MTR: variants seen among roughly 807,000 people sequenced by gnomAD.
MTR encodes 5-methyltetrahydrofolate-homocysteine methyltransferase.
MTR carries 84 observed loss-of-function variants against 154.8 expected under a neutral mutation model. The ratio of observed to expected loss-of-function variants is 0.54; its 90% CI spans 0.45 to 0.65. The LOEUF (loss-of-function observed/expected upper bound fraction) is 0.65, where lower values mean the gene tolerates loss of function less well. Ranked by LOEUF, MTR falls within the 30% of genes least tolerant of loss-of-function variation. The pLI, the probability that MTR is intolerant of heterozygous loss-of-function variation, is 0.00. For synonymous variants in MTR, 554 were observed against 553.9 expected (o/e 1.00, Z 0.00); for missense variants, 1,275 against 1,570.2 (o/e 0.81, Z 3.18).
intron 3 of MTR, 77 bp downstream of exon 3, chr1:236,806,310 A>G (rs1558273644): frequency 8.5e-7 from 1 of 1,169,874 alleles, no homozygotes; most frequent in Non-Finnish European, 1.3e-6. Context: ...TGAGTAAAGC[A>G]CTGGAAGCTG....
rs115032936 is a variant in MTR, at chr1:236,867,847, A to G, written c.2405+4293A>G. ...CTGAAGATGGGAATGAATTGCTACA[A>G]TCTCGTAATACAACTTCAACAGATG... is the stretch of plus-strand genomic sequence containing the variant. On this transcript the variant is annotated intron_variant, in intron 22 of 32. Transcript: ENST00000366577. Among the ~76,000 whole-genome samples the G allele has an allele frequency of 5.7e-3, 864 of 152,324 alleles. 11 individuals are homozygous for G. The highest frequency in any genetic ancestry group is 0.02 in the African/African-American group (812 of 41,566).
chr1:236,893,081 G>A (rs1666420022), intron 29 of MTR, among the ~76,000 whole-genome samples: 1 of 152,168 alleles, frequency 6.6e-6, no homozygotes, highest in Non-Finnish European at 1.5e-5. Context: ...AGTAGGCTCT[G>A]ATTGCTGTCT....
At chr1:236,797,072 G>C (rs1660435199) in intron 1 of MTR, among the ~76,000 whole-genome samples, 1 of 151,896 alleles carries the variant, frequency 6.6e-6, no homozygotes, top group Non-Finnish European at 1.5e-5. Context: ...ATCTTGCCTA[G>C]TCCCCTCACC....
chr1:236,795,907 T>A (rs1660354408), intron 1 of MTR, among the ~76,000 whole-genome samples, 170 bp downstream of exon 1: 1 of 152,184 alleles, frequency 6.6e-6, no homozygotes. Context: ...GCTACGTGTT[T>A]TGCTCCACTC....
intron 15 of MTR, among the ~76,000 whole-genome samples, chr1:236,844,201 G>A (rs1056289261): frequency 1.3e-5 from 2 of 152,180 alleles, no homozygotes; most frequent in Non-Finnish European, 2.9e-5. Context: ...AAAAGGGCAT[G>A]TTCAGCTGTT....
chr1:236,852,621 T>C lies in MTR; in HGVS notation c.1796T>C (p.Leu599Pro). 1 of 1,613,478 alleles carries C rather than the reference T, an allele frequency of 6.2e-7. No individual in the cohort carries two copies. The highest frequency in any genetic ancestry group is 8.5e-7 in the Non-Finnish European group (1 of 1,179,418). ...AIREAMHGVF[L>P]YHAIKSGMDM... ...CGAGAAGCAATGCATGGGGTTTTCCTTTACCATGCAATCAAGGTATGGTAG... is the reference window on the plus strand; with the variant it reads ...CGAGAAGCAATGCATGGGGTTTTCCCTTACCATGCAATCAAGGTATGGTAG... Residue 599 changes from leucine (L) to proline (P), a missense_variant, in exon 17 of 33, where the codon CTT becomes CCT. Leu to Pro is a moderately conservative substitution (Grantham distance 98). Coordinates refer to ENST00000366577, the MANE Select transcript of MTR (RefSeq NM_000254.3).
intron 8 of MTR, chr1:236,820,418 T>G (rs1404924158): frequency 1.9e-5 from 22 of 1,142,344 alleles, no homozygotes; most frequent in Non-Finnish European, 2.9e-5. Context: ...TTCAGCAGTT[T>G]CCAGCTGAAG....
intron 1 of MTR, chr1:236,799,996 C>G: frequency 1.1e-6 from 1 of 942,038 alleles, no homozygotes. Flanking sequence ...ATGTGTGGGG[C>G]TGGGTTGTTT....
chr1:236,806,293 T>G, intron 3 of MTR, 60 bp downstream of exon 3: 1 of 1,354,442 alleles, frequency 7.4e-7, no homozygotes. Context: ...GCATTGGTAG[T>G]TGCTAGTGAG....
In MTR at chr1:236,795,357, C is replaced by G. The variant is rs764573042; in HGVS notation, c.-347C>G. The G allele has an allele frequency of 3.2e-5, 43 of 1,350,302 alleles. No individual in the cohort carries two copies. The highest frequency in any genetic ancestry group is 7.5e-5 in the South Asian group (6 of 80,210). The allele number at this position is 1,350,302 out of a possible 1,614,324, so 83.6% of individuals were successfully genotyped here. On this transcript the variant is annotated 5_prime_UTR_variant, in exon 1 of 33. Transcript: ENST00000366577. ...GCTCAGAGCCGGATGTCACGTCGTC[C>G]TCCTCTGCCGGTTTTCTCTTGGGTC...
At chr1:236,868,523 T>C (rs1000445521) in intron 22 of MTR, among the ~76,000 whole-genome samples, 3 of 152,196 alleles carry the variant, frequency 2.0e-5, no homozygotes. Context: ...ATGTAGAATA[T>C]TTGGAAATAT....
At chr1:236,803,737 A>G (rs1660820477) in intron 2 of MTR, 95 bp downstream of exon 2, 1 of 1,182,884 alleles carries the variant, frequency 8.5e-7, no homozygotes, top group Non-Finnish European at 1.2e-6. Flanking sequence ...TGCTCCGGAG[A>G]ATAAAGAATA....
intron 22 of MTR, among the ~76,000 whole-genome samples, chr1:236,871,930 G>T (rs1665156410): frequency 6.6e-6 from 1 of 151,984 alleles, no homozygotes; most frequent in African/African-American, 2.4e-5. Flanking sequence ...TCCCCTTCCT[G>T]CCCCAGCGTT....
At chr1:236,881,886 A>T (rs1012142730) in intron 25 of MTR, among the ~76,000 whole-genome samples, 8 of 152,166 alleles carry the variant, frequency 5.3e-5, no homozygotes, top group African/African-American at 1.9e-4. Flanking sequence ...CCCATTTTAG[A>T]GATCAGGAGA....
In MTR at chr1:236,808,723, G is replaced by A. The variant is rs1436938156; in HGVS notation, c.359G>A (p.Cys120Tyr). The A allele has an allele frequency of 1.9e-6, 3 of 1,614,204 alleles. No homozygotes were observed. In the South Asian group the frequency reaches 3.3e-5, roughly 18 times the overall value. ...LEHLAYRMNM[C>Y]SAGVARKAAE... ...CGTTAGGCCTACCGGATGAACATGT[G>A]CTCTGCAGGAGTGGCCAGAAAAGCT... The change falls in exon 4 of 33, where the codon TGC becomes TAC. Residue 120 changes from cysteine to tyrosine, a missense_variant. Transcript: ENST00000366577.
chr1:236,807,603 C>T (rs1352651021), intron 3 of MTR, among the ~76,000 whole-genome samples: 2 of 152,006 alleles, frequency 1.3e-5, no homozygotes, highest in Non-Finnish European at 2.9e-5. Flanking sequence ...ATTTGATTTC[C>T]TTTTAATCGA....
chr1:236,809,495 A>G (rs1661179094), intron 4 of MTR, among the ~76,000 whole-genome samples: 1 of 152,270 alleles, frequency 6.6e-6, no homozygotes. Context: ...TATACACAGC[A>G]TACTAATGAA....
chr1:236,842,957 A>G (rs1199876324), intron 15 of MTR, among the ~76,000 whole-genome samples: 1 of 151,558 alleles, frequency 6.6e-6, no homozygotes, highest in Non-Finnish European at 1.5e-5. Flanking sequence ...GTGGTAATGT[A>G]TGCCTGTAAT....
chr1:236,819,954 A>G (rs926104222), intron 8 of MTR: 3 of 1,141,904 alleles, frequency 2.6e-6, no homozygotes, highest in Non-Finnish European at 1.3e-6. Flanking sequence ...CACTTCTGGA[A>G]CCTTCACTAA....
Sources: gnomAD v4.1 joint callset for allele counts (sites outside exome capture counted in the v4.1 genomes callset) on GRCh38, gnomAD v4.1.1 for gene constraint, MANE v1.5 for transcripts, NCBI Gene and HGNC (gene_info 2026-07-23, HGNC 2026-07-21) for gene names.